The following ZNF131 variants were observed in gnomAD, a reference collection of about 807,000 sequenced individuals.
ZNF131 encodes the protein zinc finger protein 131.
In ZNF131, 7 loss-of-function variants were observed where a neutral mutation model predicts 60.0. That is an observed-to-expected ratio of 0.12 (90% CI 0.07 to 0.22). ZNF131 has a LOEUF of 0.22. Ranked by LOEUF, ZNF131 falls within the 10% of genes least tolerant of loss-of-function variation. The probability of loss-of-function intolerance (pLI) is 1.00; values close to 1 mark genes in which losing one functional copy is unlikely to be tolerated. For synonymous variants in ZNF131, 257 were observed against 253.2 expected (o/e 1.01, Z -0.14); for missense variants, 493 against 740.9 (o/e 0.67, Z 3.88).
chr5:43,156,169 G>A (rs571107608), intron 4 of ZNF131, among the ~76,000 whole-genome samples: 3 of 152,248 alleles, frequency 2.0e-5, no homozygotes, highest in East Asian at 1.9e-4. Flanking sequence ...AGAATCAGCC[G>A]TACCACAAGG....
In ZNF131 at chr5:43,122,022, A is replaced by G. The variant is rs761812739; in HGVS notation, c.-15-17A>G. On this transcript the variant is annotated splice_polypyrimidine_tract_variant and intron_variant, in intron 1 of 6. Coordinates refer to ENST00000682664, the MANE Select transcript of ZNF131 (RefSeq NM_001330707.2). ...CTCGAGCTCATGGGTGTACATTATCATGCTCTTCTTTTGTAGAGCAGCCCG... is the reference window on the plus strand; with the variant it reads ...CTCGAGCTCATGGGTGTACATTATCGTGCTCTTCTTTTGTAGAGCAGCCCG... 2.5e-6 allele frequency: 4 copies of G among 1,612,312 alleles called. No homozygotes were observed. Among genetic ancestry groups the G allele is most frequent in the Non-Finnish European group, 2.5e-6 (3 of 1,179,462 alleles).
chr5:43,140,521 A>G (rs1746680272), intron 4 of ZNF131, among the ~76,000 whole-genome samples: 1 of 151,922 alleles, frequency 6.6e-6, no homozygotes, highest in South Asian at 2.1e-4. Context: ...TGGCTAAATG[A>G]CTCTGAGTAC....
chr5:43,161,371 C>A lies in ZNF131; in HGVS notation c.494C>A (p.Pro165His), dbSNP rs747489881. 6.2e-7 allele frequency: 1 copy of A among 1,614,210 alleles called. No homozygotes were observed. Among genetic ancestry groups the A allele is most frequent in the South Asian group, 1.1e-5 (1 of 91,090 alleles). ...TCATTGCCATCTGCAGAATCAGAAC[C>A]TGTTGAAATTGAGGTAGAGATTGCC... is the stretch of plus-strand genomic sequence containing the variant. ...TESLPSAESE[P>H]VEIEVEIAEG... Residue 165 changes from proline (P) to histidine (H), a missense_variant, in exon 5 of 7, where the codon CCT (proline) becomes CAT (histidine). Pro to His is a moderately conservative substitution (Grantham distance 77). Transcript: ENST00000682664.
At chr5:43,144,919 T>A (rs1747384966) in intron 4 of ZNF131, among the ~76,000 whole-genome samples, 1 of 151,872 alleles carries the variant, frequency 6.6e-6, no homozygotes, top group Non-Finnish European at 1.5e-5. Flanking sequence ...CAACAACCTG[T>A]TCTCTGAAGC....
rs1167345703 is a variant in ZNF131 at position 43,174,903 on chromosome 5, G to A, written c.1642G>A (p.Val548Ile). Reference protein sequence around the residue: ...VHVEELHVERVNQMPVEVQTE... With the variant: ...VHVEELHVERINQMPVEVQTE... ...TGTAGAGGAGCTGCATGTTGAACGGGTCAATCAAATGCCAGTGGAAGTACA... is the reference window on the plus strand; with the variant it reads ...TGTAGAGGAGCTGCATGTTGAACGGATCAATCAAATGCCAGTGGAAGTACA... Residue 548 changes from valine to isoleucine, a missense_variant, in exon 7 of 7, where the codon GTC becomes ATC. Physicochemically the swap from Val to Ile is conservative, Grantham distance 29. Transcript: ENST00000682664. 7.4e-6 allele frequency: 12 copies of A among 1,614,032 alleles called. No individual in the cohort carries two copies. The highest frequency in any genetic ancestry group is 1.0e-5 in the Non-Finnish European group (12 of 1,180,042).
At chr5:43,125,568 G>T (rs762216012) in intron 3 of ZNF131, among the ~76,000 whole-genome samples, 2 of 151,888 alleles carry the variant, frequency 1.3e-5, no homozygotes, top group Admixed American at 6.6e-5. Context: ...ATCACCTGAG[G>T]TCGAGAGGTC....
At chr5:43,162,605 AG>A (rs374895209) in intron 5 of ZNF131, among the ~76,000 whole-genome samples, 10,001 of 127,062 alleles carry the variant, frequency 0.079, 567 homozygotes, top group East Asian at 0.17. Context: ...AAAAAAAAAA[AG>A]AAAAGAAAAA....
At chr5:43,144,857 T>C (rs1253900983) in intron 4 of ZNF131, among the ~76,000 whole-genome samples, 2 of 151,716 alleles carry the variant, frequency 1.3e-5, no homozygotes, top group Admixed American at 6.6e-5. Context: ...ATGCCATCTG[T>C]CTGCTTGTTC....
intron 3 of ZNF131, chr5:43,124,677 A>T (rs1744282655): frequency 6.6e-6 from 1 of 152,168 alleles, no homozygotes; most frequent in Non-Finnish European, 1.5e-5. Flanking sequence ...TTTATTAAAT[A>T]TGTGACCCCA....
At chr5:43,132,874 G>A (rs1745545467) in intron 3 of ZNF131, among the ~76,000 whole-genome samples, 1 of 152,108 alleles carries the variant, frequency 6.6e-6, no homozygotes, top group African/African-American at 2.4e-5. Flanking sequence ...TATTCCACCA[G>A]CATTCTTACT....
At chr5:43,145,048 T>A (rs1747405801) in intron 4 of ZNF131, among the ~76,000 whole-genome samples, 1 of 152,078 alleles carries the variant, frequency 6.6e-6, no homozygotes, top group East Asian at 1.9e-4. Context: ...TCTAATAGTC[T>A]CCAACCTCTC....
intron 4 of ZNF131, among the ~76,000 whole-genome samples, chr5:43,140,327 C>T (rs1746651774): frequency 6.6e-6 from 1 of 152,190 alleles, no homozygotes; most frequent in African/African-American, 2.4e-5. Context: ...AATAAGAGCT[C>T]AGGAGTCAGT....
chr5:43,152,703 C>T (rs1235885826), intron 4 of ZNF131, among the ~76,000 whole-genome samples: 3 of 152,142 alleles, frequency 2.0e-5, no homozygotes, highest in Middle Eastern at 3.2e-3. Flanking sequence ...ACTTTCCAGG[C>T]TCAGATGATC....
At chr5:43,121,924 A>G in intron 1 of ZNF131, 115 bp from the exon 2 acceptor site, 4 of 1,156,650 alleles carry the variant, frequency 3.5e-6, no homozygotes, top group Non-Finnish European at 2.3e-6. Context: ...CTCTTGCTTC[A>G]CCCTCCCCCC....
Position 43,122,242 on chromosome 5 carries a change from C to T in ZNF131, c.124+65C>T. The T allele has an allele frequency of 4.7e-6, 7 of 1,475,176 alleles. No individual in the cohort carries two copies. In the South Asian group the frequency reaches 8.0e-5, roughly 17 times the overall value. The allele number at this position is 1,475,176 out of a possible 1,614,324, so 91.4% of individuals were successfully genotyped here. A position where few individuals can be genotyped will look rare whatever the true frequency, so the allele number is the denominator to read the frequency against. On this transcript the variant is annotated intron_variant, in intron 2 of 6. Coordinates refer to ENST00000682664, the MANE Select transcript of ZNF131 (RefSeq NM_001330707.2). ...CAGTTTTTTTCTGTCCTTCGGACAC[C>T]CGCCTTTTTTTTTTTTTTTTTTTTT...
rs761742804 is a variant in ZNF131, at chr5:43,161,402, C to T, written c.525C>T (p.Gly175=). The T allele has an allele frequency of 6.2e-7, 1 of 1,614,212 alleles. No homozygotes were observed. The highest frequency in any genetic ancestry group is 1.7e-5 in the Admixed American group (1 of 60,030). ...PVEIEVEIAE[G]TIEVEDEGIE... ...AAATTGAGGTAGAGATTGCCGAAGGCACCATTGAAGTGGAAGATGAAGGCA... is the reference window on the plus strand; with the variant it reads ...AAATTGAGGTAGAGATTGCCGAAGGTACCATTGAAGTGGAAGATGAAGGCA... Residue 175 remains glycine (G), a synonymous_variant, in exon 5 of 7, where the codon GGC becomes GGT. Coordinates refer to ENST00000682664, the MANE Select transcript of ZNF131 (RefSeq NM_001330707.2).
rs113588264 is a variant in ZNF131 at position 43,147,398 on chromosome 5, T to A, written c.371+8089T>A. ...CAGTTTGGAAGTTTTTTAAATCTTT[T>A]TTTTATTTTATTTTATTTATTTATT... On this transcript the variant is annotated intron_variant, in intron 4 of 6. Transcript: ENST00000682664. Among the ~76,000 whole-genome samples, 849 of 151,118 alleles carry A rather than the reference T, an allele frequency of 5.6e-3. 6 individuals carry two copies. Among genetic ancestry groups the A allele is most frequent in the African/African-American group, 0.013 (513 of 40,974 alleles).
At chr5:43,123,439 G>A (rs2059442664) in intron 3 of ZNF131, 129 bp downstream of exon 3, 2 of 675,540 alleles carry the variant, frequency 3.0e-6, no homozygotes, top group Non-Finnish European at 4.7e-6. Flanking sequence ...AGACACCATA[G>A]GAAATAGGCA....
In ZNF131 at chr5:43,141,444, A is replaced by G. The variant is rs374233635; in HGVS notation, c.371+2135A>G. Among the ~76,000 whole-genome samples, 57 of 152,234 alleles carry G rather than the reference A, an allele frequency of 3.7e-4. 1 individual carries two copies. In the South Asian group the frequency reaches 0.012, roughly 32 times the overall value. On this transcript the variant is annotated intron_variant, in intron 4 of 6. Transcript: ENST00000682664. ...GGCCCTTTTGCTGCTCATGATAGTGAGTGGTATGTCACTTTGGAGAAGATT... is the reference window on the plus strand; with the variant it reads ...GGCCCTTTTGCTGCTCATGATAGTGGGTGGTATGTCACTTTGGAGAAGATT...
Sources: allele counts gnomAD v4.1 joint callset (sites outside exome capture counted in the v4.1 genomes callset), GRCh38; gene constraint gnomAD v4.1.1; transcripts MANE v1.5; gene names NCBI Gene and HGNC (gene_info 2026-07-23, HGNC 2026-07-21).